Variants in CEP112 observed in about 807,000 individuals in gnomAD.
CEP112 encodes the protein centrosomal protein 112.
A neutral mutation model predicts 153.0 loss-of-function variants in CEP112; 127 were observed. The ratio of observed to expected loss-of-function variants is 0.83; its 90% confidence interval spans 0.72 to 0.96. CEP112 has a LOEUF of 0.96. CEP112 is among the 40% of genes least tolerant of loss of function. The probability of loss-of-function intolerance (pLI) is 0.00; values close to 1 mark genes in which losing one functional copy is unlikely to be tolerated. For synonymous variants in CEP112, 358 were observed against 374.4 expected (o/e 0.96, Z 0.51); for missense variants, 1,089 against 1,101.2 (o/e 0.99, Z 0.16).
At chr17:65,749,562 G>A (rs902166556) in intron 22 of CEP112, among the ~76,000 whole-genome samples, 2 of 152,008 alleles carry the variant, frequency 1.3e-5, no homozygotes, top group African/African-American at 4.8e-5. Context: ...ATTGGGCCAG[G>A]CTGGTAGTGT....
rs755149525 is a variant in CEP112 at position 65,851,795 on chromosome 17, A to C, written c.2394+9T>G. The C allele has an allele frequency of 6.3e-7, 1 of 1,598,308 alleles. No homozygotes were observed. Among genetic ancestry groups the C allele is most frequent in the Non-Finnish European group, 8.5e-7 (1 of 1,170,250 alleles). On this transcript the variant is annotated intron_variant, in intron 21 of 26. Transcript: ENST00000535342. ...AACTGCCTATTAAAAAACTAGTTAA[A>C]TATCTTACCTTTTCCAGTGTCATCT...
intron 21 of CEP112, among the ~76,000 whole-genome samples, chr17:65,779,117 C>T (rs1019805431): frequency 5.9e-5 from 9 of 151,894 alleles, no homozygotes; most frequent in Admixed American, 4.6e-4. Flanking sequence ...AAAAAATAAC[C>T]TTTTAAAGAC....
intron 18 of CEP112, among the ~76,000 whole-genome samples, chr17:65,947,807 G>GTCT (rs2061695228): frequency 3.3e-5 from 5 of 151,968 alleles, no homozygotes; most frequent in Admixed American, 6.6e-5. Context: ...ATTTAATAGA[G>GTCT]ACATTTCTAC....
chr17:65,996,126 ATACG>A (rs1211962543), intron 17 of CEP112, among the ~76,000 whole-genome samples: 9 of 105,114 alleles, frequency 8.6e-5, no homozygotes, highest in African/African-American at 1.4e-4. Flanking sequence ...GGGGAAAAAT[ATACG>A]TGTGTGTGTG....
intron 12 of CEP112, 120 bp downstream of exon 12, chr17:66,053,614 TAA>T (rs1302462230): frequency 1.5e-5 from 14 of 949,962 alleles, no homozygotes; most frequent in Non-Finnish European, 2.0e-5. Flanking sequence ...AGTAGGAAGG[TAA>T]AGTTTTTCTT....
chr17:66,129,787 C>T lies in CEP112; in HGVS notation c.601G>A (p.Asp201Asn), dbSNP rs541861937. Residue 201 changes from aspartate to asparagine, a missense_variant, in exon 6 of 27, where the codon GAT becomes AAT. Asp to Asn is a conservative substitution (Grantham distance 23). Coordinates refer to ENST00000535342, the MANE Select transcript of CEP112 (RefSeq NM_001199165.4). ...TTAAGGCGAGCTTCAATGTCACTAT[C>T]ATCCAAAGAAACAGGAGATTTTTTC... is the stretch of plus-strand genomic sequence containing the variant. ...YSKKSPVSLD[D>N]SDIEARLNSW... is the part of the protein sequence containing the mutation. 1 of 1,612,308 alleles carries T rather than the reference C, an allele frequency of 6.2e-7. No individual in the cohort carries two copies. The highest frequency in any genetic ancestry group is 1.7e-5 in the Admixed American group (1 of 59,864).
At chr17:65,916,289 G>GTGTGTGTGTGTGTGTATGTA (rs777844271) in intron 19 of CEP112, among the ~76,000 whole-genome samples, 27 of 147,240 alleles carry the variant, frequency 1.8e-4, no homozygotes, top group Non-Finnish European at 3.9e-4. Context: ...GTGTGTGTGT[G>GTGTGTGTGTGTGTGTATGTA]TGTATGTGTG....
chr17:66,111,213 T>G (rs993311913), intron 6 of CEP112, among the ~76,000 whole-genome samples: 8 of 152,232 alleles, frequency 5.3e-5, no homozygotes, highest in African/African-American at 1.9e-4. Flanking sequence ...AAATAACAGA[T>G]GCTGGCAAGG....
Position 65,969,835 on chromosome 17 carries a change from ATC to A in CEP112, c.1737-8239_1737-8238del, listed in dbSNP as rs1323038868. Among the ~76,000 whole-genome samples, 26 of 55,058 alleles carry A rather than the reference ATC, an allele frequency of 4.7e-4. 1 individual carries two copies. The East Asian group carries it at 0.16, about 330-fold the overall frequency. 36.1% of individuals were successfully genotyped at this position (55,058 alleles called of 152,430 possible). ...TTACCTGCATACATATTACAAGCAT[ATC>A]ATCTATATATAGCATGCATGCAAAT... On this transcript the variant is annotated intron_variant, in intron 17 of 26. Coordinates refer to ENST00000535342, the MANE Select transcript of CEP112 (RefSeq NM_001199165.4).
chr17:65,970,949 C>T (rs562403816), intron 17 of CEP112, among the ~76,000 whole-genome samples: 1 of 146,832 alleles, frequency 6.8e-6, no homozygotes, highest in East Asian at 2.2e-4. Flanking sequence ...TATTATATTA[C>T]ATACCTATTA....
intron 18 of CEP112, among the ~76,000 whole-genome samples, chr17:65,931,817 G>T (rs1354186075): frequency 6.6e-6 from 1 of 152,228 alleles, no homozygotes; most frequent in Non-Finnish European, 1.5e-5. Flanking sequence ...AGCAGTGATT[G>T]CCCCTGTCTA....
At chr17:65,691,355 T>C (rs2048097352) in intron 23 of CEP112, among the ~76,000 whole-genome samples, 1 of 152,182 alleles carries the variant, frequency 6.6e-6, no homozygotes, top group Admixed American at 6.5e-5. Flanking sequence ...GGTTCTAGAC[T>C]CCTTTGAGAA....
intron 21 of CEP112, among the ~76,000 whole-genome samples, chr17:65,758,214 G>A (rs150523842): frequency 1.5e-3 from 231 of 152,246 alleles, no homozygotes; most frequent in African/African-American, 5.1e-3. Flanking sequence ...AGTAGTGGTC[G>A]TTGTTTTCAT....
At chr17:65,965,877 G>C (rs1599170489) in intron 17 of CEP112, among the ~76,000 whole-genome samples, 1 of 152,084 alleles carries the variant, frequency 6.6e-6, no homozygotes, top group East Asian at 1.9e-4. Context: ...AATCATTTTA[G>C]GGAAAGATCC....
intron 19 of CEP112, among the ~76,000 whole-genome samples, chr17:65,907,559 G>A (rs1249902242): frequency 6.6e-6 from 1 of 152,070 alleles, no homozygotes; most frequent in Non-Finnish European, 1.5e-5. Context: ...AACACTACAT[G>A]GCTAACTTCT....
chr17:66,033,680 C>T (rs1237093827), intron 12 of CEP112, among the ~76,000 whole-genome samples: 1 of 152,216 alleles, frequency 6.6e-6, no homozygotes, highest in Non-Finnish European at 1.5e-5. Flanking sequence ...AGCCATTCTA[C>T]CTAAATAAGC....
At chr17:66,029,775 C>A in intron 13 of CEP112, 94 bp downstream of exon 13, 1 of 1,043,758 alleles carries the variant, frequency 9.6e-7, no homozygotes, top group Non-Finnish European at 1.4e-6. Flanking sequence ...CAAGGCTAAA[C>A]GCACAAGGTG....
intron 11 of CEP112, among the ~76,000 whole-genome samples, chr17:66,056,935 G>A (rs1426320951): frequency 6.6e-6 from 1 of 152,162 alleles, no homozygotes; most frequent in Non-Finnish European, 1.5e-5. Context: ...ACAGCAAAAC[G>A]TGTTGACAGC....
At chr17:65,905,314 A>G (rs1056988950) in intron 19 of CEP112, among the ~76,000 whole-genome samples, 3 of 152,262 alleles carry the variant, frequency 2.0e-5, no homozygotes, top group Non-Finnish European at 4.4e-5. Context: ...ACTTCTCAAA[A>G]AAAGCCATTT....
Sources: allele counts gnomAD v4.1 joint callset (sites outside exome capture counted in the v4.1 genomes callset), GRCh38; gene constraint gnomAD v4.1.1; transcripts MANE v1.5; gene names NCBI Gene and HGNC (gene_info 2026-07-23, HGNC 2026-07-21).